The following HEPH variants were observed in gnomAD, a reference collection of about 807,000 sequenced individuals.
HEPH encodes the protein hephaestin.
Under a neutral mutation model 80.8 loss-of-function variants are expected in HEPH, and 69 were observed. The ratio of observed to expected loss-of-function variants is 0.85; its 90% CI spans 0.70 to 1.04. The LOEUF is 1.04. HEPH is among the 50% of genes least tolerant of loss of function. The pLI is 0.00. For missense variants in HEPH, 1,115 were observed against 891.3 expected (o/e 1.25, Z -3.20); for synonymous variants, 431 against 322.8 (o/e 1.34, Z -3.60).
chrX:66,193,275 T>G (rs1180676276), intron 7 of HEPH, among the ~76,000 whole-genome samples: 1 of 109,775 alleles, frequency 9.1e-6, no homozygotes, highest in East Asian at 2.9e-4. Context: ...GGAGATTGTC[T>G]CCTCTGGATA....
intron 18 of HEPH, 52 bp from the exon 19 acceptor site, chrX:66,260,048 A>T: frequency 8.8e-7 from 1 of 1,133,143 alleles, no homozygotes; most frequent in Non-Finnish European, 1.2e-6. Context: ...AAGCTCTAAG[A>T]TGATTTTTAT....
chrX:66,251,616 A>G (rs1291274126), intron 15 of HEPH, among the ~76,000 whole-genome samples: 2 of 111,352 alleles, frequency 1.8e-5, no homozygotes, highest in Admixed American at 9.6e-5. Flanking sequence ...CTTGACTACT[A>G]TGGTCAGTCC....
At chrX:66,251,091 C>T (rs190642865) in intron 15 of HEPH, among the ~76,000 whole-genome samples, 1 of 111,962 alleles carries the variant, frequency 8.9e-6, no homozygotes, top group African/African-American at 3.2e-5. Flanking sequence ...CCATGTTAGC[C>T]AGGCTGGTCT....
At chrX:66,200,468 G>T in intron 11 of HEPH, 72 bp from the exon 12 acceptor site, 5 of 846,302 alleles carry the variant, frequency 5.9e-6, no homozygotes, top group African/African-American at 2.0e-5. Flanking sequence ...CATAGCTGAT[G>T]CCATGCTCCT....
chrX:66,193,747 T>C, intron 8 of HEPH, 109 bp downstream of exon 8: 1 of 506,809 alleles, frequency 2.0e-6, no homozygotes, highest in Non-Finnish European at 3.1e-6. Flanking sequence ...GACCAGCATC[T>C]CCCAAAGTGA....
At chrX:66,238,343 G>T (rs2090440206) in intron 15 of HEPH, among the ~76,000 whole-genome samples, 1 of 111,422 alleles carries the variant, frequency 9.0e-6, no homozygotes, top group Non-Finnish European at 1.9e-5. Flanking sequence ...TTGCTTATCT[G>T]AAAAGGATCT....
chrX:66,268,275 G>A (rs1278046752), downstream of HEPH: 1 of 112,122 alleles, frequency 8.9e-6, no homozygotes, highest in Non-Finnish European at 1.9e-5. Context: ...TGTCTAGGTA[G>A]CAATCTCTTG....
intron 15 of HEPH, among the ~76,000 whole-genome samples, chrX:66,239,063 G>A (rs1009801444): frequency 3.6e-5 from 4 of 112,467 alleles, no homozygotes; most frequent in Non-Finnish European, 7.5e-5. Context: ...CAATGTGGGT[G>A]TTATGGCCAT....
At chrX:66,189,605 T>C (rs943306780) in intron 5 of HEPH, 79 bp from the exon 6 acceptor site, 2 of 1,033,108 alleles carry the variant, frequency 1.9e-6, no homozygotes, top group African/African-American at 3.7e-5. Context: ...ATATTATCTA[T>C]TATTGTCAAA....
intron 13 of HEPH, among the ~76,000 whole-genome samples, chrX:66,204,365 C>G (rs2088646358): frequency 8.9e-6 from 1 of 112,257 alleles, no homozygotes; most frequent in African/African-American, 3.2e-5. Context: ...TACAAATTAG[C>G]AGTCTCCACT....
chrX:66,264,892 A>G (rs1203442232), intron 20 of HEPH, among the ~76,000 whole-genome samples: 3 of 106,634 alleles, frequency 2.8e-5, no homozygotes, highest in Admixed American at 1.0e-4. Context: ...GTTCACACAT[A>G]CTTTGTGTGT....
chrX:66,265,345 A>T (rs1015477426), intron 20 of HEPH, among the ~76,000 whole-genome samples: 1 of 110,993 alleles, frequency 9.0e-6, no homozygotes, highest in Admixed American at 9.7e-5. Context: ...TGTGCTGTAC[A>T]AAAAGGGCAA....
intron 19 of HEPH, among the ~76,000 whole-genome samples, chrX:66,260,905 T>C (rs761146399): frequency 1.9e-4 from 21 of 111,221 alleles, no homozygotes; most frequent in Admixed American, 1.9e-4. Flanking sequence ...TAGCTGGGAC[T>C]GCAGGAATGT....
intron 1 of HEPH, among the ~76,000 whole-genome samples, chrX:66,169,078 T>C (rs1407495948): frequency 9.0e-6 from 1 of 111,328 alleles, no homozygotes; most frequent in East Asian, 2.8e-4. Flanking sequence ...CTTCCTGGGC[T>C]CAAATCCCAA....
chrX:66,264,250 A>AAT (rs780655713), intron 20 of HEPH, among the ~76,000 whole-genome samples: 1,266 of 104,181 alleles, frequency 0.012, 11 homozygotes, highest in Middle Eastern at 0.02. Flanking sequence ...AAGCTGTTGA[A>AAT]ATATATATAT....
intron 15 of HEPH, among the ~76,000 whole-genome samples, chrX:66,227,946 TTTGA>T (rs1403690168): frequency 9.0e-6 from 1 of 111,440 alleles, no homozygotes; most frequent in Admixed American, 9.6e-5. Context: ...ATGTTGGTAT[TTTGA>T]TGGAAATTGC....
At chrX:66,241,779 G>T (rs1347550082) in intron 15 of HEPH, among the ~76,000 whole-genome samples, 2 of 111,149 alleles carry the variant, frequency 1.8e-5, no homozygotes, top group African/African-American at 6.5e-5. Context: ...GCCACAAAAA[G>T]AATAAAATAC....
intron 15 of HEPH, among the ~76,000 whole-genome samples, chrX:66,226,634 A>G (rs2089902069): frequency 8.9e-6 from 1 of 112,160 alleles, no homozygotes; most frequent in African/African-American, 3.2e-5. Flanking sequence ...ATAGAAATTC[A>G]AAAGATCACT....
At position 66,266,582 on chromosome X, in the gene HEPH, G is replaced by A; in HGVS notation, c.3387G>A (p.Val1129=). The A allele has an allele frequency of 2.5e-6, 3 of 1,210,496 alleles. No individual in the cohort carries two copies. The highest frequency in any genetic ancestry group is 3.4e-6 in the Non-Finnish European group (3 of 894,838). Residue 1129 remains valine, a synonymous_variant, in exon 21 of 21, where the codon GTG becomes GTA. Transcript: ENST00000343002. The stretch of plus-strand genomic sequence containing the variant: ...TCGTTGTTCTGGCTCTTGGTGGAGT[G>A]GTTTGGTACCAACATCGACAGAGAA... ...LLLVVLALGG[V]VWYQHRQRKL...
Sources: gnomAD v4.1 joint callset for allele counts (sites outside exome capture counted in the v4.1 genomes callset) on GRCh38, gnomAD v4.1.1 for gene constraint, MANE v1.5 for transcripts, NCBI Gene and HGNC (gene_info 2026-07-23, HGNC 2026-07-21) for gene names.